Variants in MRPL9 observed in about 807,000 individuals in gnomAD.
MRPL9 encodes large ribosomal subunit protein bL9m.
A neutral mutation model predicts 27.6 loss-of-function variants in MRPL9; 25 were observed. That is an observed-to-expected ratio of 0.91 (90% CI 0.66 to 1.27). MRPL9 has a LOEUF of 1.27. Among genes scored for constraint, MRPL9 ranks in the 50% most tolerant of loss-of-function variants. The pLI is 0.00. For missense variants in MRPL9, 362 were observed against 338.0 expected, an observed-to-expected ratio of 1.07 and a Z score of -0.56; for synonymous variants, 154 against 139.0, an observed-to-expected ratio of 1.11 and a Z score of -0.76.
intron 1 of MRPL9, 87 bp from the exon 2 acceptor site, chr1:151,763,233 C>A (rs1648197363): frequency 1.9e-6 from 3 of 1,539,026 alleles, no homozygotes; most frequent in Non-Finnish European, 2.6e-6. Context: ...CAAGGAAAGC[C>A]CGCCACCCCC....
At chr1:151,762,214 G>A in intron 3 of MRPL9, 59 bp from the exon 4 acceptor site, 1 of 1,580,642 alleles carries the variant, frequency 6.3e-7, no homozygotes, top group South Asian at 1.1e-5. Context: ...ATGTTAAATA[G>A]CATCAAACTA....
intron 1 of MRPL9, 89 bp from the exon 2 acceptor site, chr1:151,763,235 G>A: frequency 1.3e-6 from 2 of 1,532,964 alleles, no homozygotes; most frequent in South Asian, 1.2e-5. Context: ...AGGAAAGCCC[G>A]CCACCCCCAC....
rs755031728 is a variant in MRPL9, at chr1:151,760,903, C to CAAAAAAAAAAAAAAAAAAAAAAAAAA, written c.589-5_589-4insTTTTTTTTTTTTTTTTTTTTTTTTTT. On this transcript the variant is annotated splice_polypyrimidine_tract_variant and splice_region_variant and intron_variant, in intron 5 of 6. Transcript: ENST00000368830. Reference sequence around the variant, plus strand: ...GTGGGGCAACCACAACACCAAGCTGCAAAAAAAAAAAAAAAAAAAAAAATC... The same window carrying CAAAAAAAAAAAAAAAAAAAAAAAAAA: ...GTGGGGCAACCACAACACCAAGCTGCAAAAAAAAAAAAAAAAAAAAAAAAAAAAAAAAAAAAAAAAAAAAAAAAATC... The CAAAAAAAAAAAAAAAAAAAAAAAAAA allele has an allele frequency of 3.9e-5, 37 of 953,896 alleles. No homozygotes were observed. The highest frequency in any genetic ancestry group is 1.4e-4 in the African/African-American group (5 of 35,866). The allele number at this position is 953,896 out of a possible 1,614,324, so 59.1% of individuals were successfully genotyped here. A position where few individuals can be genotyped will look rare whatever the true frequency, so the allele number is the denominator to read the frequency against.
intron 1 of MRPL9, 54 bp from the exon 2 acceptor site, chr1:151,763,200 C>A: frequency 6.3e-7 from 1 of 1,577,296 alleles, no homozygotes; most frequent in Non-Finnish European, 8.6e-7. Flanking sequence ...CACCCTCTCC[C>A]TCCACCACGG....
At position 151,760,633 on chromosome 1, in the gene MRPL9, C is replaced by T. The variant is rs886427516; in HGVS notation, c.672+183G>A. 1.9e-4 allele frequency among the ~76,000 whole-genome samples: 28 copies of T among 146,042 alleles called. 1 individual carries two copies. Among genetic ancestry groups the T allele is most frequent in the Admixed American group, 1.5e-3 (22 of 14,640 alleles). On this transcript the variant is annotated intron_variant, in intron 6 of 6. Transcript: ENST00000368830. Reference sequence around the variant, plus strand: ...AAAAGGGAGAGGTAGGTGCTAGGTGCGGTGGCTAACGCCTGTAGTCCTAGC... The same window carrying T: ...AAAAGGGAGAGGTAGGTGCTAGGTGTGGTGGCTAACGCCTGTAGTCCTAGC...
chr1:151,763,178 C>G, intron 1 of MRPL9, 32 bp from the exon 2 acceptor site: 1 of 1,608,194 alleles, frequency 6.2e-7, no homozygotes, highest in Non-Finnish European at 8.5e-7. Flanking sequence ...GTAAGCTAGT[C>G]TCCACAAGGA....
Position 151,760,903 on chromosome 1 carries a change from C to CAAAAAAAAAAAAAAACAAAAAAAAAAAAA in MRPL9, c.589-5_589-4insTTTTTTTTTTTTTGTTTTTTTTTTTTTTT. On this transcript the variant is annotated splice_polypyrimidine_tract_variant and splice_region_variant and intron_variant, in intron 5 of 6. Coordinates refer to ENST00000368830, the MANE Select transcript of MRPL9 (RefSeq NM_031420.4). ...GTGGGGCAACCACAACACCAAGCTG[C>CAAAAAAAAAAAAAAACAAAAAAAAAAAAA]AAAAAAAAAAAAAAAAAAAAAAATC... The CAAAAAAAAAAAAAAACAAAAAAAAAAAAA allele has an allele frequency of 1.0e-6, 1 of 952,380 alleles. No homozygotes were observed. Among genetic ancestry groups the CAAAAAAAAAAAAAAACAAAAAAAAAAAAA allele is most frequent in the Non-Finnish European group, 1.4e-6 (1 of 735,538 alleles). The allele number at this position is 952,380 out of a possible 1,614,324, so 59.0% of individuals were successfully genotyped here. A position where few individuals can be genotyped will look rare whatever the true frequency, so the allele number is the denominator to read the frequency against.
chr1:151,760,793 AAG>A, intron 6 of MRPL9, 21 bp downstream of exon 6: 1 of 1,549,166 alleles, frequency 6.5e-7, no homozygotes, highest in Non-Finnish European at 8.7e-7. Context: ...GAAAAGAAAA[AAG>A]AAAGTATGCA....
intron 2 of MRPL9, 173 bp from the exon 3 acceptor site, chr1:151,762,673 G>GAAC (rs1648152729): frequency 1.4e-6 from 1 of 707,044 alleles, no homozygotes; most frequent in Admixed American, 3.0e-5. Flanking sequence ...AGTTTCTTTA[G>GAAC]AACTTGATGT....
In MRPL9 at chr1:151,759,835, C is replaced by T; in HGVS notation, c.*215G>A. The T allele has an allele frequency of 1.8e-6, 1 of 546,368 alleles. No individual in the cohort carries two copies. The highest frequency in any genetic ancestry group is 3.0e-6 in the Non-Finnish European group (1 of 330,422). The allele number at this position is 546,368 out of a possible 1,614,324, so 33.8% of individuals were successfully genotyped here. Reference sequence around the variant, plus strand: ...GCATCTAGCTTATCAAATCTACAGCCTGGTACTTCTGGAACAGGACTTCCC... The same window carrying T: ...GCATCTAGCTTATCAAATCTACAGCTTGGTACTTCTGGAACAGGACTTCCC... On this transcript the variant is annotated 3_prime_UTR_variant, in exon 7 of 7. Coordinates refer to ENST00000368830, the MANE Select transcript of MRPL9 (RefSeq NM_031420.4).
chr1:151,761,803 G>A (rs1648096177), intron 4 of MRPL9, among the ~76,000 whole-genome samples: 1 of 152,156 alleles, frequency 6.6e-6, no homozygotes. Context: ...ATCTTCTCAT[G>A]TGTCCATGTT....
chr1:151,760,180 A>G lies in MRPL9; in HGVS notation c.674T>C (p.Val225Ala), dbSNP rs754596860. 6.2e-7 allele frequency: 1 copy of G among 1,614,094 alleles called. No individual in the cohort carries two copies. The change falls in exon 7 of 7, where the codon GTA becomes GCA. Residue 225 changes from valine (V) to alanine (A), a missense_variant and splice_region_variant. Transcript: ENST00000368830. ...RWGEYWCEVT[V>A]NGLDTVRVPM... ...CACTCTCACAGTATCAAGCCCATTT[A>G]CCTGCACACAAAACAATGGGAATTC...
In MRPL9 at chr1:151,763,457, G is replaced by A; in HGVS notation, c.23C>T (p.Ala8Val). 6.4e-7 allele frequency: 1 copy of A among 1,574,572 alleles called. No homozygotes were observed. Among genetic ancestry groups the A allele is most frequent in the Non-Finnish European group, 8.6e-7 (1 of 1,160,532 alleles). Residue 8 changes from alanine to valine, a missense_variant, in exon 1 of 7, where the codon GCC becomes GTC. Coordinates refer to ENST00000368830, the MANE Select transcript of MRPL9 (RefSeq NM_031420.4). MAAPVVTAPGRALLRAGA... is the reference protein window; with the variant it reads MAAPVVTVPGRALLRAGA... ...CGCCCGCAGCAGAGCTCTGCCCGGG[G>A]CCGTGACAACGGGCGCCGCCATGTT... is the stretch of plus-strand genomic sequence containing the variant.
chr1:151,760,876 A>G lies in MRPL9; in HGVS notation c.612T>C (p.His204=), dbSNP rs1648032797. Residue 204 remains histidine (H), a synonymous_variant, in exon 6 of 7, where the codon CAT becomes CAC. Transcript: ENST00000368830. ...FKNLGVVVAP[H]TLKLPEEPIT... The stretch of plus-strand genomic sequence containing the variant: ...TAGGCTCTTCTGGTAACTTTAATGT[A>G]TGTGGGGCAACCACAACACCAAGCT... 1.3e-6 allele frequency: 2 copies of G among 1,481,914 alleles called. No homozygotes were observed. Among genetic ancestry groups the G allele is most frequent in the Non-Finnish European group, 9.2e-7 (1 of 1,089,058 alleles). The allele number at this position is 1,481,914 out of a possible 1,614,324, so 91.8% of individuals were successfully genotyped here.
Position 151,760,921 on chromosome 1 carries a change from A to T in MRPL9, c.589-22T>A, listed in dbSNP as rs866974194. ...CAAGCTGCAAAAAAAAAAAAAAAAA[A>T]AAAAATCTCAGCTCAAATGAACTCT... is the stretch of plus-strand genomic sequence containing the variant. On this transcript the variant is annotated intron_variant, in intron 5 of 6. Coordinates refer to ENST00000368830, the MANE Select transcript of MRPL9 (RefSeq NM_031420.4). The T allele has an allele frequency of 5.2e-6, 8 of 1,541,114 alleles. No individual in the cohort carries two copies. In the African/African-American group the frequency reaches 1.2e-4, roughly 22 times the overall value.
chr1:151,760,125 G>A lies in MRPL9; in HGVS notation c.729C>T (p.Pro243=). 6.2e-7 allele frequency: 1 copy of A among 1,614,090 alleles called. No homozygotes were observed. Among genetic ancestry groups the A allele is most frequent in the Non-Finnish European group, 8.5e-7 (1 of 1,180,012 alleles). The change falls in exon 7 of 7, where the codon CCC becomes CCT. Residue 243 remains proline (P), a synonymous_variant. Coordinates refer to ENST00000368830, the MANE Select transcript of MRPL9 (RefSeq NM_031420.4). ...VPMSVVNFEK[P]KTKRYKYWLA... ...ACCAGTACTTATATCTTTTGGTCTT[G>A]GGCTTCTCAAAGTTCACGACAGACA... is the stretch of plus-strand genomic sequence containing the variant.
rs954736037 is a variant in MRPL9, at chr1:151,763,304, C to A, written c.153+23G>T. The A allele has an allele frequency of 8.8e-6, 14 of 1,591,308 alleles. No homozygotes were observed. In the African/African-American group the frequency reaches 1.1e-4, roughly 12 times the overall value. On this transcript the variant is annotated intron_variant, in intron 1 of 6. Coordinates refer to ENST00000368830, the MANE Select transcript of MRPL9 (RefSeq NM_031420.4). ...AAACAATACTCGAGCGTATCTACCC[C>A]CTACCCCAGACTCAGCCCTCACCCG...
rs1267150601 is a variant in MRPL9, at chr1:151,760,149, C to T, written c.705G>A (p.Met235Ile). 1 of 1,614,172 alleles carries T rather than the reference C, an allele frequency of 6.2e-7. No homozygotes were observed. Among genetic ancestry groups the T allele is most frequent in the Non-Finnish European group, 8.5e-7 (1 of 1,180,022 alleles). The part of the protein sequence containing the change: ...VNGLDTVRVP[M>I]SVVNFEKPKT... ...TGGGCTTCTCAAAGTTCACGACAGA[C>T]ATAGGCACTCTCACAGTATCAAGCC... Residue 235 changes from methionine to isoleucine, a missense_variant, in exon 7 of 7, where the codon ATG (methionine) becomes ATA (isoleucine). Met to Ile is a conservative substitution (Grantham distance 10). Coordinates refer to ENST00000368830, the MANE Select transcript of MRPL9 (RefSeq NM_031420.4).
chr1:151,760,369 G>C (rs1327243504), intron 6 of MRPL9, among the ~76,000 whole-genome samples, 188 bp from the exon 7 acceptor site: 1 of 152,096 alleles, frequency 6.6e-6, no homozygotes, highest in East Asian at 1.9e-4. Flanking sequence ...CCTGAGGTCA[G>C]GAGTTTGAGA....
Sources: gnomAD v4.1 joint callset for allele counts (sites outside exome capture counted in the v4.1 genomes callset) on GRCh38, gnomAD v4.1.1 for gene constraint, MANE v1.5 for transcripts, NCBI Gene and HGNC (gene_info 2026-07-23, HGNC 2026-07-21) for gene names.